CAMK1D: variants seen among roughly 807,000 people sequenced by gnomAD.
CAMK1D encodes calcium/calmodulin dependent protein kinase ID.
A neutral mutation model predicts 47.7 loss-of-function variants in CAMK1D; 9 were observed. The ratio of observed to expected loss-of-function variants is 0.19; its 90% CI spans 0.11 to 0.33. CAMK1D has a LOEUF of 0.33. Ranked by LOEUF, CAMK1D falls within the 10% of genes least tolerant of loss-of-function variation. The pLI, the probability that CAMK1D is intolerant of heterozygous loss-of-function variation, is 1.00. For synonymous variants in CAMK1D, 184 were observed against 184.9 expected (o/e 0.99, Z 0.04); for missense variants, 291 against 488.7 (o/e 0.60, Z 3.81).
chr10:12,701,876 G>A (rs752826449), intron 3 of CAMK1D, among the ~76,000 whole-genome samples: 5 of 152,168 alleles, frequency 3.3e-5, no homozygotes, highest in South Asian at 2.1e-4. Flanking sequence ...CCAGCCATGC[G>A]TTTGGAGCCC....
intron 6 of CAMK1D, among the ~76,000 whole-genome samples, chr10:12,813,666 T>TA (rs35933250): frequency 0.026 from 3,901 of 152,318 alleles, 149 homozygotes; most frequent in African/African-American, 0.088. Flanking sequence ...ATCGCAGTTT[T>TA]ACTCCTGTGT....
intron 2 of CAMK1D, among the ~76,000 whole-genome samples, chr10:12,662,298 A>G (rs1840295675): frequency 1.3e-5 from 2 of 152,332 alleles, no homozygotes; most frequent in Admixed American, 1.3e-4. Flanking sequence ...ATCCAGAATG[A>G]TTGGATTTAA....
rs1366958341 is a variant in CAMK1D, at chr10:12,387,414, TA to T, written c.92+37505del. ...ATTATATATTTTTATATATTATATA[TA>T]TTTTATATATTTTATATATTATATA... On this transcript the variant is annotated intron_variant, in intron 1 of 10. Coordinates refer to ENST00000619168, the MANE Select transcript of CAMK1D (RefSeq NM_153498.4). Among the ~76,000 whole-genome samples, 61 of 39,106 alleles carry T rather than the reference TA, an allele frequency of 1.6e-3. 2 individuals carry two copies. Among genetic ancestry groups the T allele is most frequent in the Admixed American group, 0.014 (36 of 2,542 alleles). 25.7% of individuals were successfully genotyped at this position (39,106 alleles called of 152,430 possible). A position where few individuals can be genotyped will look rare whatever the true frequency, so the allele number is the denominator to read the frequency against.
intron 5 of CAMK1D, among the ~76,000 whole-genome samples, chr10:12,774,438 G>T (rs1411908574): frequency 6.6e-6 from 1 of 152,102 alleles, no homozygotes; most frequent in East Asian, 1.9e-4. Context: ...AGGGAGCAGG[G>T]GAAGCAGGAA....
At chr10:12,489,439 A>C (rs1347822938) in intron 1 of CAMK1D, among the ~76,000 whole-genome samples, 1 of 152,202 alleles carries the variant, frequency 6.6e-6, no homozygotes, top group East Asian at 1.9e-4. Context: ...AATAAAGACT[A>C]AAAAGTGTCC....
chr10:12,683,937 T>C (rs1832551122), intron 3 of CAMK1D, among the ~76,000 whole-genome samples: 1 of 152,160 alleles, frequency 6.6e-6, no homozygotes, highest in African/African-American at 2.4e-5. Flanking sequence ...TTTTCACTCA[T>C]CATAGATGCA....
chr10:12,720,894 A>G (rs1035009229), intron 3 of CAMK1D, among the ~76,000 whole-genome samples: 3 of 152,136 alleles, frequency 2.0e-5, no homozygotes, highest in Non-Finnish European at 4.4e-5. Flanking sequence ...ACATAAATGA[A>G]CCACGTGAGT....
chr10:12,408,798 T>C (rs957973791), intron 1 of CAMK1D, among the ~76,000 whole-genome samples: 24 of 152,156 alleles, frequency 1.6e-4, no homozygotes, highest in African/African-American at 5.3e-4. Context: ...TCAGGTGATA[T>C]AGGCGTCTTT....
chr10:12,620,165 C>T (rs935450060), intron 2 of CAMK1D, among the ~76,000 whole-genome samples: 5 of 112,096 alleles, frequency 4.5e-5, no homozygotes, highest in South Asian at 2.9e-4. Context: ...CCGGCCTGGG[C>T]GACAGAGCGA....
intron 1 of CAMK1D, among the ~76,000 whole-genome samples, chr10:12,384,227 C>T (rs539634165): frequency 2.0e-5 from 3 of 152,266 alleles, no homozygotes; most frequent in South Asian, 2.1e-4. Context: ...AATGGAAAGA[C>T]GTCCTGTGTC....
At chr10:12,777,038 A>G (rs2399890) in intron 5 of CAMK1D, among the ~76,000 whole-genome samples, 104,692 of 152,088 alleles carry the variant, frequency 0.69, 37,393 homozygotes, top group South Asian at 0.8. Flanking sequence ...AAATTTGCAG[A>G]TAGAGAATCC....
At chr10:12,583,620 T>TTTTTA in intron 2 of CAMK1D, among the ~76,000 whole-genome samples, 1 of 150,962 alleles carries the variant, frequency 6.6e-6, no homozygotes, top group African/African-American at 2.4e-5. Flanking sequence ...TTTTTTTTTT[T>TTTTTA]GAGATGGAGT....
intron 1 of CAMK1D, among the ~76,000 whole-genome samples, chr10:12,401,846 G>A (rs1839236676): frequency 1.3e-5 from 2 of 151,774 alleles, no homozygotes; most frequent in African/African-American, 4.8e-5. Flanking sequence ...TAGTGAGAGA[G>A]AAAGCTGAAA....
chr10:12,375,008 G>A (rs896060511), intron 1 of CAMK1D, among the ~76,000 whole-genome samples: 4 of 151,802 alleles, frequency 2.6e-5, no homozygotes, highest in Admixed American at 6.6e-5. Flanking sequence ...TGTTGCCCAG[G>A]CTGGTCTTGA....
chr10:12,722,748 A>T (rs1220675225), intron 3 of CAMK1D, among the ~76,000 whole-genome samples: 1 of 152,200 alleles, frequency 6.6e-6, no homozygotes, highest in Non-Finnish European at 1.5e-5. Flanking sequence ...TCCCTGTCCT[A>T]ACAGAGTTTC....
chr10:12,452,325 T>A (rs896001441), intron 1 of CAMK1D, among the ~76,000 whole-genome samples: 32 of 151,974 alleles, frequency 2.1e-4, no homozygotes, highest in African/African-American at 7.5e-4. Flanking sequence ...CAGTGTCCAG[T>A]TTTTCTCACA....
intron 3 of CAMK1D, among the ~76,000 whole-genome samples, chr10:12,696,689 G>C (rs868632994): frequency 3.3e-5 from 5 of 152,138 alleles, no homozygotes; most frequent in African/African-American, 1.2e-4. Context: ...CATTACTGGC[G>C]GAATTCTACC....
chr10:12,618,637 G>T (rs1838896947), intron 2 of CAMK1D, among the ~76,000 whole-genome samples: 2 of 151,598 alleles, frequency 1.3e-5, no homozygotes, highest in Non-Finnish European at 2.9e-5. Flanking sequence ...CATTGCCAGA[G>T]TATTTTATTT....
At chr10:12,541,618 CA>C (rs765985877) in intron 1 of CAMK1D, among the ~76,000 whole-genome samples, 6 of 152,138 alleles carry the variant, frequency 3.9e-5, no homozygotes, top group South Asian at 2.1e-4. Flanking sequence ...CTTGGCCCCC[CA>C]AAAGTGCTGG....
Sources: allele counts gnomAD v4.1 joint callset (sites outside exome capture counted in the v4.1 genomes callset), GRCh38; gene constraint gnomAD v4.1.1; transcripts MANE v1.5; gene names NCBI Gene and HGNC (gene_info 2026-07-23, HGNC 2026-07-21).